RSBN1L: variants seen among roughly 807,000 people sequenced by gnomAD.
RSBN1L encodes round spermatid basic protein 1 like.
Under a neutral mutation model 67.7 loss-of-function variants are expected in RSBN1L, and 30 were observed. That is an observed-to-expected ratio of 0.44 (90% CI 0.33 to 0.60). The LOEUF (loss-of-function observed/expected upper bound fraction) is 0.60, where lower values mean the gene tolerates loss of function less well. Among genes scored for constraint, RSBN1L ranks in the 20% least tolerant of loss-of-function variants. RSBN1L has a pLI of 0.02. For synonymous variants in RSBN1L, 433 were observed against 387.0 expected, an observed-to-expected ratio of 1.12 and a Z score of -1.39; for missense variants, 992 against 1,031.7, an observed-to-expected ratio of 0.96 and a Z score of 0.53.
At chr7:77,710,404 C>T (rs1790956908) in intron 1 of RSBN1L, among the ~76,000 whole-genome samples, 1 of 152,098 alleles carries the variant, frequency 6.6e-6, no homozygotes, top group East Asian at 1.9e-4. Context: ...CTCAGTGCTC[C>T]TCGCCGCCTA....
chr7:77,702,037 C>A (rs1790825470), intron 1 of RSBN1L, among the ~76,000 whole-genome samples: 1 of 152,118 alleles, frequency 6.6e-6, no homozygotes, highest in South Asian at 2.1e-4. Context: ...GCAGTTTTGG[C>A]TCCCTGCAAC....
intron 1 of RSBN1L, among the ~76,000 whole-genome samples, chr7:77,712,672 C>T (rs1214023209): frequency 1.3e-5 from 2 of 152,122 alleles, no homozygotes; most frequent in Non-Finnish European, 2.9e-5. Flanking sequence ...TGTTCCATGT[C>T]AATATGTGTA....
intron 2 of RSBN1L, among the ~76,000 whole-genome samples, chr7:77,749,005 C>T (rs1021818366): frequency 1.3e-5 from 2 of 152,066 alleles, no homozygotes; most frequent in African/African-American, 4.8e-5. Context: ...CCTGTAATCC[C>T]AGCACTTCGG....
At chr7:77,710,598 G>GT (rs1442844550) in intron 1 of RSBN1L, among the ~76,000 whole-genome samples, 1 of 151,658 alleles carries the variant, frequency 6.6e-6, no homozygotes, top group Non-Finnish European at 1.5e-5. Flanking sequence ...TTTCTTGTTT[G>GT]TTTTTTGTTT....
At chr7:77,741,410 G>A (rs917200705) in intron 2 of RSBN1L, among the ~76,000 whole-genome samples, 2 of 151,950 alleles carry the variant, frequency 1.3e-5, no homozygotes, top group Non-Finnish European at 2.9e-5. Context: ...TATAGATTTA[G>A]GCCAGATGTG....
intron 3 of RSBN1L, among the ~76,000 whole-genome samples, chr7:77,764,728 G>A (rs956219791): frequency 1.3e-5 from 2 of 151,678 alleles, no homozygotes; most frequent in Non-Finnish European, 1.5e-5. Flanking sequence ...CCAGGTTCAC[G>A]CCATTCTCCT....
chr7:77,696,494 C>T lies in RSBN1L; in HGVS notation c.25C>T (p.His9Tyr), dbSNP rs201476502. The T allele has an allele frequency of 1.9e-6, 3 of 1,613,050 alleles. No individual in the cohort carries two copies. Among genetic ancestry groups the T allele is most frequent in the Non-Finnish European group, 1.7e-6 (2 of 1,179,550 alleles). MAEPPSPV[H>Y]CVAAAAPTAT... ...AATGGCGGAACCGCCGAGCCCCGTG[C>T]ACTGTGTCGCTGCCGCGGCCCCCAC... Residue 9 changes from histidine to tyrosine, a missense_variant, in exon 1 of 8, where the codon CAC becomes TAC. His to Tyr is a moderately conservative substitution (Grantham distance 83). Transcript: ENST00000334955.
intron 1 of RSBN1L, among the ~76,000 whole-genome samples, chr7:77,724,968 G>C (rs1488136852): frequency 6.2e-5 from 9 of 144,698 alleles, no homozygotes; most frequent in Admixed American, 4.2e-4. Context: ...TCAGCCTCCC[G>C]AGTAGCTGGG....
intron 1 of RSBN1L, among the ~76,000 whole-genome samples, chr7:77,720,649 G>A (rs1333010205): frequency 6.6e-6 from 1 of 151,990 alleles, no homozygotes; most frequent in Non-Finnish European, 1.5e-5. Context: ...CATGTCACTT[G>A]ATCAGTTATT....
At chr7:77,722,968 CTTTTT>C (rs71531006) in intron 1 of RSBN1L, among the ~76,000 whole-genome samples, 2 of 132,336 alleles carry the variant, frequency 1.5e-5, no homozygotes, top group African/African-American at 2.8e-5. Flanking sequence ...TTTCTCTCTT[CTTTTT>C]TTTTTTTTTT....
At chr7:77,705,764 G>T (rs764619207) in intron 1 of RSBN1L, among the ~76,000 whole-genome samples, 11 of 151,948 alleles carry the variant, frequency 7.2e-5, no homozygotes, top group Non-Finnish European at 1.2e-4. Context: ...TGCCTGCCTC[G>T]GTCTCACGAT....
intron 1 of RSBN1L, among the ~76,000 whole-genome samples, chr7:77,711,388 G>A (rs552455593): frequency 1.3e-5 from 2 of 150,232 alleles, no homozygotes; most frequent in South Asian, 2.1e-4. Flanking sequence ...CACCCAGGCC[G>A]GAGTGCAGTG....
At position 77,760,198 on chromosome 7, in the gene RSBN1L, G is replaced by GT. The variant is rs1351121162; in HGVS notation, c.1345-5289dup. ...CAAGCCCACCTCAGAATCCTAAAGT[G>GT]TTTTTTTTAAAGATTACATTATATA... On this transcript the variant is annotated intron_variant, in intron 3 of 7. Coordinates refer to ENST00000334955, the MANE Select transcript of RSBN1L (RefSeq NM_198467.3). 5.3e-5 allele frequency among the ~76,000 whole-genome samples: 8 copies of GT among 151,830 alleles called. 1 individual carries two copies. Among genetic ancestry groups the GT allele is most frequent in the South Asian group, 4.2e-4 (2 of 4,806 alleles).
At chr7:77,716,887 T>A (rs1286138515) in intron 1 of RSBN1L, among the ~76,000 whole-genome samples, 1 of 151,860 alleles carries the variant, frequency 6.6e-6, no homozygotes, top group Non-Finnish European at 1.5e-5. Context: ...TGCCTTGGCC[T>A]CCCAAAGTGC....
chr7:77,716,317 G>GTTTTGT (rs892698747), intron 1 of RSBN1L, among the ~76,000 whole-genome samples: 6 of 151,684 alleles, frequency 4.0e-5, no homozygotes, highest in Non-Finnish European at 5.9e-5. Flanking sequence ...TTTTTGTTTT[G>GTTTTGT]TTTTGTTTTT....
At chr7:77,726,667 T>A (rs189140299) in intron 1 of RSBN1L, among the ~76,000 whole-genome samples, 146 of 152,144 alleles carry the variant, frequency 9.6e-4, no homozygotes, top group African/African-American at 3.3e-3. Context: ...TGGAGTGCAG[T>A]GGCGCAATCT....
At position 77,749,797 on chromosome 7, in the gene RSBN1L, A is replaced by G. The variant is rs765808368; in HGVS notation, c.1077A>G (p.Ala359=). Residue 359 remains alanine (A), a synonymous_variant, in exon 3 of 8, where the codon GCA becomes GCG. Coordinates refer to ENST00000334955, the MANE Select transcript of RSBN1L (RefSeq NM_198467.3). ...TAGAGCACCAGCCTAATGGAGGTGC[A>G]TCGGTTATCCATGCCTACAGTAACG... ...IHIEHQPNGG[A]SVIHAYSNEL... The G allele has an allele frequency of 7.4e-6, 12 of 1,614,082 alleles. No individual in the cohort carries two copies. Among genetic ancestry groups the G allele is most frequent in the African/African-American group, 2.7e-5 (2 of 74,938 alleles).
rs780944350 is a variant in RSBN1L at position 77,696,857 on chromosome 7, G to A, written c.388G>A (p.Val130Ile). 2 of 1,612,304 alleles carry A rather than the reference G, an allele frequency of 1.2e-6. No individual in the cohort carries two copies. The highest frequency in any genetic ancestry group is 1.7e-6 in the Non-Finnish European group (2 of 1,179,904). Residue 130 changes from valine (V) to isoleucine (I), a missense_variant, in exon 1 of 8, where the codon GTC becomes ATC. Val to Ile is a conservative substitution (Grantham distance 29, BLOSUM62 3). This residue lies in a region of RSBN1L where 575 missense variants were observed against 483.2 expected (regional missense o/e 1.19). Coordinates refer to ENST00000334955, the MANE Select transcript of RSBN1L (RefSeq NM_198467.3). ...TCAGCCGGTGCCGCGCAAACTGCTG[G>A]TCCCTCCTACGCTGCTGCACGCTCA... ...LSQPVPRKLL[V>I]PPTLLHAQPH...
rs527765599 is a variant in RSBN1L at position 77,727,865 on chromosome 7, G to A, written c.587-8545G>A. ...TGCTTATAATGACTCTGCAAATGCT[G>A]TTTAATGCAGATCAGGGAGAGATCC... On this transcript the variant is annotated intron_variant, in intron 1 of 7. Coordinates refer to ENST00000334955, the MANE Select transcript of RSBN1L (RefSeq NM_198467.3). Among the ~76,000 whole-genome samples, 38 of 152,284 alleles carry A rather than the reference G, an allele frequency of 2.5e-4. 3 individuals carry two copies. The South Asian group carries it at 5.0e-3, about 20-fold the overall frequency.
Sources: gnomAD v4.1 joint callset for allele counts (sites outside exome capture counted in the v4.1 genomes callset) on GRCh38, gnomAD v4.1.1 for gene constraint, gnomAD v4.1.1 regional missense constraint, MANE v1.5 for transcripts, NCBI Gene and HGNC (gene_info 2026-07-23, HGNC 2026-07-21) for gene names.